The following LARGE1 variants were observed in gnomAD, a reference collection of about 807,000 sequenced individuals.
The protein encoded by LARGE1 is xylosyl- and glucuronyltransferase LARGE1.
Under a neutral mutation model 87.6 loss-of-function variants are expected in LARGE1, and 43 were observed. That is an observed-to-expected ratio of 0.49 (90% CI 0.38 to 0.63). The LOEUF is 0.63. Among genes scored for constraint, LARGE1 ranks in the 30% least tolerant of loss-of-function variants. The pLI is 0.00. For missense variants in LARGE1, 802 were observed against 1,000.2 expected (o/e 0.80, Z 2.67); for synonymous variants, 434 against 394.6 (o/e 1.10, Z -1.18).
At chr22:33,586,950 ACT>A (rs1395227807) in intron 5 of LARGE1, among the ~76,000 whole-genome samples, 1 of 152,192 alleles carries the variant, frequency 6.6e-6, no homozygotes, top group Non-Finnish European at 1.5e-5. Flanking sequence ...CATATTAAAC[ACT>A]GTCATATGAT....
At chr22:33,530,910 T>C (rs531874376) in intron 6 of LARGE1, among the ~76,000 whole-genome samples, 48 of 152,198 alleles carry the variant, frequency 3.2e-4, no homozygotes, top group Non-Finnish European at 6.3e-4. Context: ...TTAAGTACCA[T>C]AGAGTACACA....
chr22:33,512,997 A>G (rs955813235), intron 6 of LARGE1, among the ~76,000 whole-genome samples: 3 of 152,012 alleles, frequency 2.0e-5, no homozygotes, highest in African/African-American at 7.3e-5. Flanking sequence ...CATCACTCCA[A>G]CCCAGGTTTA....
the LARGE1 span, among the ~76,000 whole-genome samples, chr22:33,111,428 G>A: frequency 2.0e-5 from 3 of 152,116 alleles, no homozygotes; most frequent in Non-Finnish European, 4.4e-5. Flanking sequence ...GCCACACAAA[G>A]GTAGGCAAGG....
intron 2 of LARGE1, among the ~76,000 whole-genome samples, chr22:33,713,019 G>A (rs4821176): frequency 0.44 from 66,929 of 151,882 alleles, 16,111 homozygotes; most frequent in African/African-American, 0.64. Context: ...CCCTTTATGG[G>A]ACCTCTCCAT....
chr22:33,203,099 C>G (rs3071495), intron 11 of LARGE1, among the ~76,000 whole-genome samples: 34,907 of 128,236 alleles, frequency 0.27, 5,033 homozygotes, highest in African/African-American at 0.46. Flanking sequence ...CTCTCTCTCT[C>G]TCTGTGTGTG....
intron 7 of LARGE1, among the ~76,000 whole-genome samples, chr22:33,420,267 G>C (rs1461398678): frequency 6.6e-6 from 1 of 152,180 alleles, no homozygotes; most frequent in East Asian, 1.9e-4. Flanking sequence ...CCAGGTATGG[G>C]GGATAAAGCA....
intron 1 of LARGE1, among the ~76,000 whole-genome samples, chr22:33,843,009 G>C (rs767234638): frequency 1.3e-5 from 2 of 152,078 alleles, no homozygotes; most frequent in Non-Finnish European, 2.9e-5. Flanking sequence ...TGTTCCTCTG[G>C]GGGGGTCCTG....
chr22:33,445,093 G>A (rs994948369), intron 6 of LARGE1, among the ~76,000 whole-genome samples: 2 of 152,188 alleles, frequency 1.3e-5, no homozygotes, highest in African/African-American at 2.4e-5. Flanking sequence ...GCCTCCCAAA[G>A]TGCTGGGATT....
At chr22:33,558,036 T>C (rs1204442290) in intron 6 of LARGE1, among the ~76,000 whole-genome samples, 2 of 152,324 alleles carry the variant, frequency 1.3e-5, no homozygotes, top group East Asian at 3.9e-4. Flanking sequence ...GCTGTTGGTG[T>C]CATTTTAAAG....
chr22:33,570,618 A>G (rs1400848403), intron 5 of LARGE1, among the ~76,000 whole-genome samples: 1 of 138,586 alleles, frequency 7.2e-6, no homozygotes, highest in Non-Finnish European at 1.5e-5. Flanking sequence ...ACTGCACTCC[A>G]GCCTGGCAAT....
chr22:33,351,561 T>C (rs1940379300), intron 9 of LARGE1, among the ~76,000 whole-genome samples: 1 of 151,972 alleles, frequency 6.6e-6, no homozygotes, highest in South Asian at 2.1e-4. Flanking sequence ...TATATAGACA[T>C]AAATTATTTT....
At chr22:33,426,280 A>C (rs2066874785) in intron 7 of LARGE1, among the ~76,000 whole-genome samples, 1 of 152,200 alleles carries the variant, frequency 6.6e-6, no homozygotes, top group Non-Finnish European at 1.5e-5. Context: ...AAAACAAAAC[A>C]AAACAGTTTT....
chr22:33,200,659 A>T (rs1173736256), intron 11 of LARGE1, among the ~76,000 whole-genome samples: 1 of 152,256 alleles, frequency 6.6e-6, no homozygotes, highest in African/African-American at 2.4e-5. Flanking sequence ...ATATCCTACA[A>T]CCTGGATGAA....
intron 1 of LARGE1, among the ~76,000 whole-genome samples, chr22:33,781,180 A>G (rs937784549): frequency 1.3e-5 from 2 of 152,192 alleles, no homozygotes; most frequent in African/African-American, 4.8e-5. Context: ...CTCTTCTCAC[A>G]GGATTTGTTT....
intron 1 of LARGE1, among the ~76,000 whole-genome samples, chr22:33,763,570 T>C (rs1362822344): frequency 2.0e-5 from 3 of 152,102 alleles, no homozygotes; most frequent in African/African-American, 7.2e-5. Context: ...GAGCAGGAAG[T>C]GCAGAAAAAG....
intron 1 of LARGE1, among the ~76,000 whole-genome samples, chr22:33,831,576 C>T (rs2062969956): frequency 6.6e-6 from 1 of 152,098 alleles, no homozygotes; most frequent in South Asian, 2.1e-4. Context: ...CACTCTCAAG[C>T]CACTCACAGT....
chr22:33,680,885 C>T (rs1426807629), intron 2 of LARGE1, among the ~76,000 whole-genome samples: 1 of 152,010 alleles, frequency 6.6e-6, no homozygotes, highest in African/African-American at 2.4e-5. Context: ...TTGAAGTGCT[C>T]TTTGTGTTAA....
At chr22:33,736,386 A>G (rs1005943578) in intron 2 of LARGE1, among the ~76,000 whole-genome samples, 1 of 152,210 alleles carries the variant, frequency 6.6e-6, no homozygotes, top group Non-Finnish European at 1.5e-5. Flanking sequence ...CCCAATAACT[A>G]ATGATGCTGA....
chr22:33,336,353 A>G (rs1048125937), intron 10 of LARGE1, among the ~76,000 whole-genome samples: 2 of 152,050 alleles, frequency 1.3e-5, no homozygotes, highest in Non-Finnish European at 2.9e-5. Flanking sequence ...GGTGCCTGCC[A>G]CCATGCCTGG....
Sources: gnomAD v4.1 joint callset for allele counts (sites outside exome capture counted in the v4.1 genomes callset) on GRCh38, gnomAD v4.1.1 for gene constraint, MANE v1.5 for transcripts, NCBI Gene and HGNC (gene_info 2026-07-23, HGNC 2026-07-21) for gene names.